FBXL14: variants seen among roughly 807,000 people sequenced by gnomAD.
The protein encoded by FBXL14 is F-box/LRR-repeat protein 14.
FBXL14 carries 11 observed loss-of-function variants against 24.5 expected under a neutral mutation model. The observed-to-expected ratio is 0.45, with a 90% CI of 0.28 to 0.74. The LOEUF is 0.74. Ranked by LOEUF, FBXL14 falls within the 30% of genes least tolerant of loss-of-function variation. The pLI is 0.12. For missense variants in FBXL14, 384 were observed against 545.6 expected (o/e 0.70, Z 2.95); for synonymous variants, 294 against 240.4 (o/e 1.22, Z -2.06).
In FBXL14 at chr12:1,569,576, G is replaced by A. The variant is rs1033413005; in HGVS notation, c.1195-2766C>T. Among the ~76,000 whole-genome samples the A allele has an allele frequency of 2.6e-5, 4 of 151,742 alleles. No homozygotes were observed. Among genetic ancestry groups the A allele is most frequent in the African/African-American group, 4.8e-5 (2 of 41,324 alleles). On this transcript the variant is annotated intron_variant, in intron 1 of 1. Coordinates refer to ENST00000339235, the MANE Select transcript of FBXL14 (RefSeq NM_152441.3). This position sits in a 1 kb window ranked among gnomAD's most constrained non-coding sequence, Gnocchi z 4.2. ...CCACCACGCCCGGCTAATTTTTTGT[G>A]TTTTTAGTAGAGATGGGGTTTCACC... is the stretch of plus-strand genomic sequence containing the variant.
chr12:1,573,260 C>T (rs897296256), intron 1 of FBXL14, among the ~76,000 whole-genome samples: 1 of 152,180 alleles, frequency 6.6e-6, no homozygotes, highest in Non-Finnish European at 1.5e-5. Flanking sequence ...GGGAGGCATT[C>T]TCTGACCCCT....
intron 1 of FBXL14, among the ~76,000 whole-genome samples, chr12:1,572,648 G>A (rs2094447359): frequency 6.6e-6 from 1 of 152,154 alleles, no homozygotes; most frequent in South Asian, 2.1e-4. Flanking sequence ...CAGTGGAGAG[G>A]AAGGCAGGGC....
At chr12:1,580,394 A>T (rs1036765713) in intron 1 of FBXL14, among the ~76,000 whole-genome samples, 1 of 152,204 alleles carries the variant, frequency 6.6e-6, no homozygotes, top group Non-Finnish European at 1.5e-5. Context: ...CAAACTCTCT[A>T]CATCTTTTTG....
intron 1 of FBXL14, among the ~76,000 whole-genome samples, chr12:1,584,792 T>A (rs1007459280): frequency 2.6e-5 from 4 of 152,248 alleles, no homozygotes; most frequent in Non-Finnish European, 5.9e-5. Flanking sequence ...ATTTTCGTGT[T>A]GTTTGCTTAA....
chr12:1,578,868 T>G (rs2094460854), intron 1 of FBXL14, among the ~76,000 whole-genome samples: 1 of 152,114 alleles, frequency 6.6e-6, no homozygotes, highest in Admixed American at 6.6e-5. Flanking sequence ...CGGTGGGCTT[T>G]GCTTTAGAGA....
chr12:1,579,372 T>C lies in FBXL14; in HGVS notation c.1195-12562A>G, dbSNP rs543776864. Among the ~76,000 whole-genome samples the C allele has an allele frequency of 6.6e-6, 1 of 152,140 alleles. No individual in the cohort carries two copies. The highest frequency in any genetic ancestry group is 2.4e-5 in the African/African-American group (1 of 41,526). ...GGCTCACGCCTGTAATCCCAGCACTTTGGGAGGCTGAGGTGGGTGGATCAC... is the reference window on the plus strand; with the variant it reads ...GGCTCACGCCTGTAATCCCAGCACTCTGGGAGGCTGAGGTGGGTGGATCAC... On this transcript the variant is annotated intron_variant, in intron 1 of 1. Transcript: ENST00000339235. The surrounding 1 kb of genome is among the most constrained non-coding windows in gnomAD (Gnocchi z 4.3).
chr12:1,582,652 C>G (rs2094468993), intron 1 of FBXL14, among the ~76,000 whole-genome samples: 2 of 152,186 alleles, frequency 1.3e-5, no homozygotes. Context: ...GCACAGGCCC[C>G]AAGTCCCTGA....
In FBXL14 at chr12:1,593,998, C is replaced by T; in HGVS notation, c.69G>A (p.Arg23=). 3 of 1,583,012 alleles carry T rather than the reference C, an allele frequency of 1.9e-6. No individual in the cohort carries two copies. Among genetic ancestry groups the T allele is most frequent in the Non-Finnish European group, 1.7e-6 (2 of 1,172,680 alleles). ...ACACCTGCGCCGCGCGCCCCTTGTC[C>T]CGGACGTCCAGGTAGCCGAAGATCA... ...LAMIFGYLDV[R]DKGRAAQVCT... The change falls in exon 1 of 2, where the codon CGG becomes CGA. Residue 23 remains arginine, a synonymous_variant. Transcript: ENST00000339235. This position sits in a 1 kb window ranked among gnomAD's most constrained non-coding sequence, Gnocchi z 7.4.
At chr12:1,583,636 A>G (rs1484248723) in intron 1 of FBXL14, among the ~76,000 whole-genome samples, 2 of 152,230 alleles carry the variant, frequency 1.3e-5, no homozygotes, top group African/African-American at 4.8e-5. Flanking sequence ...CTTGGGAAAT[A>G]GCTTCCAACT....
At chr12:1,592,285 T>A (rs772715950) in intron 1 of FBXL14, among the ~76,000 whole-genome samples, 29 of 150,004 alleles carry the variant, frequency 1.9e-4, no homozygotes, top group African/African-American at 6.3e-4. Flanking sequence ...CAAAAAAAAA[T>A]TTTTAAACAG....
chr12:1,584,234 C>T (rs556193468), intron 1 of FBXL14, among the ~76,000 whole-genome samples: 1 of 152,064 alleles, frequency 6.6e-6, no homozygotes, highest in Admixed American at 6.6e-5. Flanking sequence ...GCCTGTGGTC[C>T]CAGCTACTCG....
chr12:1,574,381 T>G (rs2094451270), intron 1 of FBXL14, among the ~76,000 whole-genome samples: 1 of 150,420 alleles, frequency 6.6e-6, no homozygotes, highest in Non-Finnish European at 1.5e-5. Context: ...GGCAGCGGTG[T>G]GGATGGAGGC....
chr12:1,566,645 AG>A lies in FBXL14; in HGVS notation c.*102del. ...CAGCAGCCTCTGCCCGAGCAGTGAC[AG>A]GCAGGGAAACCTGAGCTGTCATCAC... On this transcript the variant is annotated 3_prime_UTR_variant, in exon 2 of 2. Transcript: ENST00000339235. 2 of 744,860 alleles carry A rather than the reference AG, an allele frequency of 2.7e-6. No homozygotes were observed. Among genetic ancestry groups the A allele is most frequent in the East Asian group, 4.9e-5 (2 of 40,562 alleles). The allele number at this position is 744,860 out of a possible 1,614,324, so 46.1% of individuals were successfully genotyped here. A position where few individuals can be genotyped will look rare whatever the true frequency, so the allele number is the denominator to read the frequency against.
intron 1 of FBXL14, among the ~76,000 whole-genome samples, chr12:1,589,559 A>AACTT (rs2094484809): frequency 6.6e-6 from 1 of 152,140 alleles, no homozygotes; most frequent in Non-Finnish European, 1.5e-5. Flanking sequence ...CTGGTTGGGT[A>AACTT]ACTTACGGCA....
chr12:1,580,827 T>G (rs1178781169), intron 1 of FBXL14, among the ~76,000 whole-genome samples: 2 of 152,192 alleles, frequency 1.3e-5, no homozygotes, highest in South Asian at 2.1e-4. Context: ...CTGGCCCCAG[T>G]GGAGGAGCGG....
At chr12:1,591,134 T>C (rs942067498) in intron 1 of FBXL14, among the ~76,000 whole-genome samples, 3 of 152,226 alleles carry the variant, frequency 2.0e-5, no homozygotes, top group African/African-American at 7.2e-5. Context: ...AAACATTATA[T>C]AAATCTCCAG....
Position 1,570,747 on chromosome 12 carries a change from C to T in FBXL14, c.1195-3937G>A, listed in dbSNP as rs11061860. 6.5e-3 allele frequency among the ~76,000 whole-genome samples: 987 copies of T among 152,292 alleles called. 12 individuals carry two copies. The highest frequency in any genetic ancestry group is 0.022 in the African/African-American group (901 of 41,570). On this transcript the variant is annotated intron_variant, in intron 1 of 1. Transcript: ENST00000339235. ...TTTTGCCCATCTTAGTCAGAACATA[C>T]ACTGAATAGTCAATGAATGAATCTT...
At chr12:1,577,045 C>T (rs1432827176) in intron 1 of FBXL14, among the ~76,000 whole-genome samples, 1 of 152,156 alleles carries the variant, frequency 6.6e-6, no homozygotes, top group Non-Finnish European at 1.5e-5. Context: ...CAGCCACAGG[C>T]TTTATCAGTC....
chr12:1,588,545 G>A (rs1270302554), intron 1 of FBXL14, among the ~76,000 whole-genome samples: 1 of 152,140 alleles, frequency 6.6e-6, no homozygotes, highest in Non-Finnish European at 1.5e-5. Context: ...GGCCTAGCTT[G>A]GGAGCTGCAG....
Sources: gnomAD v4.1 joint callset for allele counts (sites outside exome capture counted in the v4.1 genomes callset) on GRCh38, gnomAD v4.1.1 for gene constraint, Gnocchi (gnomAD v3.1) non-coding constraint, MANE v1.5 for transcripts, NCBI Gene and HGNC (gene_info 2026-07-23, HGNC 2026-07-21) for gene names.